Variants in PRKG2 observed in about 807,000 individuals in gnomAD.
PRKG2 encodes protein kinase cGMP-dependent 2.
In PRKG2, 33 loss-of-function variants were observed where a neutral mutation model predicts 97.2. That is an observed-to-expected ratio of 0.34 (90% CI 0.26 to 0.45). The LOEUF (loss-of-function observed/expected upper bound fraction) is 0.45, where lower values mean the gene tolerates loss of function less well. PRKG2 is among the 20% of genes least tolerant of loss of function. The probability of loss-of-function intolerance (pLI) is 1.00; values close to 1 mark genes in which losing one functional copy is unlikely to be tolerated. For synonymous variants in PRKG2, 330 were observed against 321.8 expected (o/e 1.03, Z -0.27); for missense variants, 638 against 900.0 (o/e 0.71, Z 3.73).
chr4:81,111,492 A>G, intron 14 of PRKG2, among the ~76,000 whole-genome samples: 1 of 150,688 alleles, frequency 6.6e-6, no homozygotes, highest in Non-Finnish European at 1.5e-5. Context: ...TGAAGAAAGT[A>G]TAAATTCATA....
At chr4:81,129,020 G>C (rs1416865215) in intron 14 of PRKG2, among the ~76,000 whole-genome samples, 1 of 152,100 alleles carries the variant, frequency 6.6e-6, no homozygotes, top group Admixed American at 6.5e-5. Flanking sequence ...TTGTGTCTTT[G>C]TTCTCATTGG....
In PRKG2 at chr4:81,116,525, C is replaced by A. The variant is rs148219610; in HGVS notation, c.1777-5914G>T. ...TCTTTATGGTAGAATGATTTATATA[C>A]CTTTGGGTATATACCCAATAATGAG... is the stretch of plus-strand genomic sequence containing the variant. On this transcript the variant is annotated intron_variant, in intron 14 of 18. Transcript: ENST00000264399. Among the ~76,000 whole-genome samples, 615 of 152,164 alleles carry A rather than the reference C, an allele frequency of 4.0e-3. 6 individuals are homozygous for A. The highest frequency in any genetic ancestry group is 0.014 in the African/African-American group (582 of 41,508).
intron 9 of PRKG2, among the ~76,000 whole-genome samples, chr4:81,147,611 C>CT (rs996836192): frequency 2.0e-5 from 3 of 152,088 alleles, no homozygotes; most frequent in African/African-American, 7.2e-5. Context: ...GATTGCTCCT[C>CT]TTTTTGAACA....
intron 2 of PRKG2, among the ~76,000 whole-genome samples, chr4:81,181,472 T>A (rs189898639): frequency 7.9e-6 from 1 of 125,906 alleles, no homozygotes; most frequent in African/African-American, 4.5e-5. Flanking sequence ...CTCAAAAGAC[T>A]AGAAAAAGTA....
intron 18 of PRKG2, 57 bp from the exon 19 acceptor site, chr4:81,089,860 A>G (rs994023991): frequency 7.4e-7 from 1 of 1,345,764 alleles, no homozygotes; most frequent in African/African-American, 1.5e-5. Flanking sequence ...GCATGCTATC[A>G]CATATGGGTA....
intron 17 of PRKG2, among the ~76,000 whole-genome samples, chr4:81,094,485 T>C (rs755891280): frequency 1.3e-5 from 2 of 152,098 alleles, no homozygotes; most frequent in Non-Finnish European, 2.9e-5. Context: ...TAAAGACTTG[T>C]GGAAGGTTTT....
chr4:81,191,057 A>G (rs1752439538), intron 2 of PRKG2, among the ~76,000 whole-genome samples: 1 of 152,182 alleles, frequency 6.6e-6, no homozygotes, highest in South Asian at 2.1e-4. Context: ...CAGAAATACC[A>G]TTTGACCCAG....
At chr4:81,161,861 C>T (rs1294651980) in intron 6 of PRKG2, among the ~76,000 whole-genome samples, 4 of 151,720 alleles carry the variant, frequency 2.6e-5, no homozygotes, top group Non-Finnish European at 5.9e-5. Flanking sequence ...TTTAAGCATA[C>T]CATTAAAGTC....
At chr4:81,166,823 A>T (rs1750028809) in intron 6 of PRKG2, among the ~76,000 whole-genome samples, 2 of 152,140 alleles carry the variant, frequency 1.3e-5, no homozygotes, top group Admixed American at 1.3e-4. Flanking sequence ...ATACTATGAA[A>T]ACTCTGTAGG....
intron 2 of PRKG2, among the ~76,000 whole-genome samples, chr4:81,190,197 C>G (rs1268019037): frequency 6.6e-6 from 1 of 152,112 alleles, no homozygotes; most frequent in Non-Finnish European, 1.5e-5. Context: ...GCTATAGTAA[C>G]CAAAACAGCA....
At chr4:81,100,799 A>G (rs1014657660) in intron 17 of PRKG2, among the ~76,000 whole-genome samples, 32 of 152,316 alleles carry the variant, frequency 2.1e-4, no homozygotes, top group Non-Finnish European at 3.2e-4. Context: ...ATGGGAGAAC[A>G]TTTCTGCAAT....
intron 14 of PRKG2, 116 bp from the exon 15 acceptor site, chr4:81,110,727 GCACACA>G (rs145649671): frequency 1.9e-5 from 14 of 740,440 alleles, no homozygotes; most frequent in South Asian, 3.4e-5. Context: ...TTTATACCAT[GCACACA>G]CACACACACA....
At chr4:81,117,940 G>A (rs2109996066) in intron 14 of PRKG2, among the ~76,000 whole-genome samples, 1 of 152,272 alleles carries the variant, frequency 6.6e-6, no homozygotes, top group African/African-American at 2.4e-5. Context: ...CACCGCTGCA[G>A]TATCATACAG....
At chr4:81,110,369 G>A (rs1209907628) in intron 15 of PRKG2, 79 bp downstream of exon 15, 3 of 1,443,884 alleles carry the variant, frequency 2.1e-6, no homozygotes, top group Non-Finnish European at 1.9e-6. Flanking sequence ...CGCTCTTAAA[G>A]TATATACACT....
chr4:81,194,523 C>G (rs978609417), intron 2 of PRKG2, among the ~76,000 whole-genome samples: 15 of 152,080 alleles, frequency 9.9e-5, no homozygotes, highest in African/African-American at 3.4e-4. Context: ...AATTCTTTTA[C>G]TTATTGCCCA....
At position 81,204,783 on chromosome 4, in the gene PRKG2, G is replaced by C. The variant is rs779814922; in HGVS notation, c.265C>G (p.Gln89Glu). ...GAGGCCTGAAGCGGGCTTCCTCCCT[G>C]CATATGCACCACATCCTGCAGCTTG... ...LNKLQDVVHM[Q>E]GGSPLQASPD... The change falls in exon 2 of 19, where the codon CAG (glutamine) becomes GAG (glutamate). Residue 89 changes from glutamine to glutamate, a missense_variant. Physicochemically the swap from Gln to Glu is conservative, Grantham distance 29. Transcript: ENST00000264399. 2 of 1,614,186 alleles carry C rather than the reference G, an allele frequency of 1.2e-6. No homozygotes were observed. The highest frequency in any genetic ancestry group is 1.7e-6 in the Non-Finnish European group (2 of 1,180,026).
chr4:81,195,236 G>A (rs1752884675), intron 2 of PRKG2, among the ~76,000 whole-genome samples: 1 of 152,038 alleles, frequency 6.6e-6, no homozygotes, highest in Non-Finnish European at 1.5e-5. Context: ...ATTTGACATA[G>A]CTTGTTCTCT....
intron 2 of PRKG2, among the ~76,000 whole-genome samples, chr4:81,187,938 T>A (rs979938149): frequency 2.6e-5 from 4 of 152,046 alleles, no homozygotes; most frequent in South Asian, 2.1e-4. Context: ...AACCTAGGCA[T>A]TACCATTCAG....
intron 1 of PRKG2, among the ~76,000 whole-genome samples, chr4:81,213,577 T>G (rs1170868530): frequency 1.3e-5 from 2 of 152,006 alleles, no homozygotes; most frequent in Non-Finnish European, 2.9e-5. Context: ...ACACTAAGAG[T>G]AGAGCCTGCA....
Sources: allele counts gnomAD v4.1 joint callset (sites outside exome capture counted in the v4.1 genomes callset), GRCh38; gene constraint gnomAD v4.1.1; transcripts MANE v1.5; gene names NCBI Gene and HGNC (gene_info 2026-07-23, HGNC 2026-07-21).